PPP6R3: variants seen among roughly 807,000 people sequenced by gnomAD.
The protein encoded by PPP6R3 is protein phosphatase 6 regulatory subunit 3.
In PPP6R3, 38 loss-of-function variants were observed where a neutral mutation model predicts 110.7. That is an observed-to-expected ratio of 0.34 (90% CI 0.26 to 0.45). PPP6R3 has a LOEUF of 0.45. Among genes scored for constraint, PPP6R3 ranks in the 20% least tolerant of loss-of-function variants. The probability of loss-of-function intolerance (pLI) is 1.00; values close to 1 mark genes in which losing one functional copy is unlikely to be tolerated. For synonymous variants in PPP6R3, 369 were observed against 373.5 expected (o/e 0.99, Z 0.14); for missense variants, 870 against 1,062.4 (o/e 0.82, Z 2.52).
intron 1 of PPP6R3, among the ~76,000 whole-genome samples, chr11:68,461,511 CCTT>C (rs1224584571): frequency 1.3e-5 from 2 of 151,750 alleles, no homozygotes; most frequent in South Asian, 2.1e-4. Context: ...GGTGGGTGGT[CCTT>C]CTTGTGGCTT....
At chr11:68,496,438 G>C (rs755221884) in intron 1 of PPP6R3, among the ~76,000 whole-genome samples, 14 of 151,958 alleles carry the variant, frequency 9.2e-5, no homozygotes, top group Non-Finnish European at 1.9e-4. Context: ...AGCCTCTCTA[G>C]TGGCTGGGAC....
At chr11:68,506,196 C>T (rs2099075499) in intron 1 of PPP6R3, among the ~76,000 whole-genome samples, 1 of 150,146 alleles carries the variant, frequency 6.7e-6, no homozygotes, top group African/African-American at 2.4e-5. Flanking sequence ...CTTGAGTTCT[C>T]CTGTGCTCAA....
chr11:68,576,152 A>G (rs1007667717), intron 14 of PPP6R3, 109 bp downstream of exon 14: 4 of 788,404 alleles, frequency 5.1e-6, no homozygotes, highest in Non-Finnish European at 8.0e-6. Flanking sequence ...TGTGAGCCAA[A>G]GATAAATTCT....
intron 22 of PPP6R3, chr11:68,609,576 A>G (rs1274639611): frequency 6.4e-7 from 1 of 1,550,660 alleles, no homozygotes; most frequent in Non-Finnish European, 8.7e-7. Flanking sequence ...AAACTCTTGT[A>G]CATTTCTTTT....
At chr11:68,506,260 C>T (rs2099075754) in intron 1 of PPP6R3, among the ~76,000 whole-genome samples, 1 of 150,754 alleles carries the variant, frequency 6.6e-6, no homozygotes, top group Non-Finnish European at 1.5e-5. Context: ...CATGCACCAC[C>T]ACGCCTGGCT....
chr11:68,585,679 C>G (rs1348515315), intron 15 of PPP6R3, among the ~76,000 whole-genome samples: 3 of 152,132 alleles, frequency 2.0e-5, no homozygotes, highest in African/African-American at 7.2e-5. Context: ...TTGCTAGAAG[C>G]TGTAATTGAC....
At chr11:68,551,899 G>T (rs1321043018) in intron 6 of PPP6R3, among the ~76,000 whole-genome samples, 1 of 152,164 alleles carries the variant, frequency 6.6e-6, no homozygotes, top group Non-Finnish European at 1.5e-5. Context: ...GGTCACCATT[G>T]AGCCCCTACA....
At chr11:68,591,540 T>G (rs1260737892) in intron 17 of PPP6R3, 36 bp from the exon 18 acceptor site, 1 of 1,540,630 alleles carries the variant, frequency 6.5e-7, no homozygotes, top group African/African-American at 1.4e-5. Context: ...GACTTTAAAT[T>G]TATTTTGTTG....
chr11:68,516,143 A>G (rs111644191), intron 1 of PPP6R3, among the ~76,000 whole-genome samples: 20 of 152,246 alleles, frequency 1.3e-4, no homozygotes, highest in African/African-American at 4.6e-4. Flanking sequence ...GTTCATCTAC[A>G]TTGTAGCGTA....
At chr11:68,509,028 T>C (rs1047684965) in intron 1 of PPP6R3, among the ~76,000 whole-genome samples, 1 of 152,376 alleles carries the variant, frequency 6.6e-6, no homozygotes, top group Middle Eastern at 3.4e-3. Context: ...CTGATATTAT[T>C]GATGATTAAA....
Position 68,566,281 on chromosome 11 carries a change from C to T in PPP6R3, c.976-733C>T, listed in dbSNP as rs571695914. Among the ~76,000 whole-genome samples the T allele has an allele frequency of 1.1e-4, 17 of 151,764 alleles. No homozygotes were observed. The South Asian group carries it at 1.9e-3, about 17-fold the overall frequency. On this transcript the variant is annotated intron_variant, in intron 9 of 23. Coordinates refer to ENST00000393800, the MANE Select transcript of PPP6R3 (RefSeq NM_001164161.2). Reference sequence around the variant, plus strand: ...GCTGCTGTTGCTACTACTACCACTTCTTCTTCTTCTTTATTCTTCCTTCCT... The same window carrying T: ...GCTGCTGTTGCTACTACTACCACTTTTTCTTCTTCTTTATTCTTCCTTCCT...
chr11:68,523,651 A>G (rs1271237274), intron 2 of PPP6R3, among the ~76,000 whole-genome samples: 2 of 149,266 alleles, frequency 1.3e-5, no homozygotes, highest in Admixed American at 6.6e-5. Flanking sequence ...AAGGAGAGCC[A>G]CATTTGTTAA....
At chr11:68,469,170 C>T (rs1309183560) in intron 1 of PPP6R3, among the ~76,000 whole-genome samples, 1 of 152,236 alleles carries the variant, frequency 6.6e-6, no homozygotes, top group Non-Finnish European at 1.5e-5. Flanking sequence ...AGTGTGAAAG[C>T]AGCCATAGCC....
chr11:68,576,307 C>T (rs1358259808), intron 14 of PPP6R3, among the ~76,000 whole-genome samples: 1 of 152,220 alleles, frequency 6.6e-6, no homozygotes, highest in Non-Finnish European at 1.5e-5. Context: ...GTCCATTTCC[C>T]TCCATGCCCT....
At chr11:68,581,696 G>A (rs1218805211) in intron 14 of PPP6R3, among the ~76,000 whole-genome samples, 1 of 152,206 alleles carries the variant, frequency 6.6e-6, no homozygotes, top group Admixed American at 6.5e-5. Flanking sequence ...CTACACTCTG[G>A]CAAGGCTTTC....
Position 68,613,059 on chromosome 11 carries a change from T to A in PPP6R3, c.2571-7T>A. ...AGTGCCTCCGATGCCTGTCTGTTGC[T>A]CCTTAGGACTGGCCAACCAAGCGCA... is the stretch of plus-strand genomic sequence containing the variant. On this transcript the variant is annotated splice_polypyrimidine_tract_variant and splice_region_variant and intron_variant, in intron 23 of 23. Transcript: ENST00000393800. 1 of 1,614,118 alleles carries A rather than the reference T, an allele frequency of 6.2e-7. No individual in the cohort carries two copies. Among genetic ancestry groups the A allele is most frequent in the African/African-American group, 1.3e-5 (1 of 75,040 alleles).
intron 22 of PPP6R3, among the ~76,000 whole-genome samples, chr11:68,606,205 T>C (rs1441127337): frequency 6.6e-6 from 1 of 152,224 alleles, no homozygotes; most frequent in Non-Finnish European, 1.5e-5. Flanking sequence ...TTTGATTTTT[T>C]TTATAAGGTT....
At chr11:68,571,272 A>G in intron 12 of PPP6R3, 168 bp downstream of exon 12, 1 of 1,016,472 alleles carries the variant, frequency 9.8e-7, no homozygotes, top group Non-Finnish European at 1.3e-6. Flanking sequence ...TTTTTATAAT[A>G]CTAATAATTT....
intron 5 of PPP6R3, among the ~76,000 whole-genome samples, chr11:68,548,423 G>T (rs1180749683): frequency 1.3e-5 from 2 of 152,060 alleles, no homozygotes; most frequent in African/African-American, 4.8e-5. Flanking sequence ...CCCTAGGTAT[G>T]TAGGATGTTT....
Sources: allele counts gnomAD v4.1 joint callset (sites outside exome capture counted in the v4.1 genomes callset), GRCh38; gene constraint gnomAD v4.1.1; transcripts MANE v1.5; gene names NCBI Gene and HGNC (gene_info 2026-07-23, HGNC 2026-07-21).